The following DST variants were observed in gnomAD, a reference collection of about 807,000 sequenced individuals.
DST encodes dystonin, also known as bullous pemphigoid antigen.
DST carries 253 observed loss-of-function variants against 875.2 expected under a neutral mutation model. The ratio of observed to expected loss-of-function variants is 0.29; its 90% CI spans 0.26 to 0.32. The LOEUF is 0.32. Ranked by LOEUF, DST falls within the 10% of genes least tolerant of loss-of-function variation. The pLI, the probability that DST is intolerant of heterozygous loss-of-function variation, is 1.00. For missense variants in DST, 8,287 were observed against 9,111.6 expected (o/e 0.91, Z 3.68); for synonymous variants, 3,124 against 3,197.1 (o/e 0.98, Z 0.77).
intron 2 of DST, among the ~76,000 whole-genome samples, chr6:56,910,407 T>A (rs1308958581): frequency 1.3e-5 from 2 of 152,218 alleles, no homozygotes; most frequent in African/African-American, 4.8e-5. Flanking sequence ...TCCTCCCACC[T>A]GAGCCTCCCA....
At chr6:56,465,330 C>T (rs2094527255) in intron 99 of DST, among the ~76,000 whole-genome samples, 1 of 151,946 alleles carries the variant, frequency 6.6e-6, no homozygotes, top group East Asian at 1.9e-4. Flanking sequence ...ACAGTGAGCT[C>T]ACAGGTAAAA....
At chr6:56,679,287 C>T (rs6459168) in intron 9 of DST, among the ~76,000 whole-genome samples, 21,434 of 151,978 alleles carry the variant, frequency 0.14, 3,520 homozygotes, top group African/African-American at 0.4. Flanking sequence ...TCCAGCTGCA[C>T]GTCTTCTCTG....
At chr6:56,549,414 A>T (rs1363368980) in intron 61 of DST, among the ~76,000 whole-genome samples, 1 of 152,246 alleles carries the variant, frequency 6.6e-6, no homozygotes, top group Non-Finnish European at 1.5e-5. Context: ...TAAAAAATTT[A>T]AAAAACTTTC....
intron 4 of DST, chr6:56,843,651 A>G: frequency 2.0e-6 from 2 of 982,054 alleles, no homozygotes; most frequent in East Asian, 1.2e-4. Flanking sequence ...CATCTGCGGC[A>G]TTTCCTGGCC....
intron 42 of DST, 66 bp from the exon 43 acceptor site, chr6:56,603,097 T>C: frequency 1.9e-6 from 3 of 1,539,280 alleles, no homozygotes; most frequent in Non-Finnish European, 2.6e-6. Flanking sequence ...AAATAATGAC[T>C]GTGGTTTAAG....
intron 2 of DST, among the ~76,000 whole-genome samples, chr6:56,920,133 G>A (rs1323569408): frequency 6.6e-6 from 1 of 152,164 alleles, no homozygotes; most frequent in Non-Finnish European, 1.5e-5. Context: ...GCTAGCTACT[G>A]TAACAAAGAG....
In DST at chr6:56,609,156, A is replaced by G. The variant is rs769474953; in HGVS notation, c.5472T>C (p.His1824=). The change falls in exon 40 of 104, where the codon CAT becomes CAC. Residue 1824 remains histidine (H), a synonymous_variant. Coordinates refer to ENST00000680361, the MANE Select transcript of DST (RefSeq NM_001374736.1). ...KCFDLKDAKS[H]GLIDEQILCQ... Reference sequence around the variant, plus strand: ...ACAGAATTTGTTCATCAATAAGGCCATGACTTTTGGCATCTTTAAGGTCAA... The same window carrying G: ...ACAGAATTTGTTCATCAATAAGGCCGTGACTTTTGGCATCTTTAAGGTCAA... 7 of 1,613,766 alleles carry G rather than the reference A, an allele frequency of 4.3e-6. No homozygotes were observed. The highest frequency in any genetic ancestry group is 1.7e-5 in the Admixed American group (1 of 59,978).
intron 9 of DST, among the ~76,000 whole-genome samples, chr6:56,697,969 A>G (rs2099273054): frequency 6.6e-6 from 1 of 152,124 alleles, no homozygotes; most frequent in Non-Finnish European, 1.5e-5. Flanking sequence ...TATTGCCTTC[A>G]CTTAGGTTCA....
At chr6:56,701,773 G>A in intron 8 of DST, 115 bp downstream of exon 8, 1 of 633,306 alleles carries the variant, frequency 1.6e-6, no homozygotes, top group Non-Finnish European at 2.7e-6. Flanking sequence ...CAAAGCACAA[G>A]CTTACTGGTT....
At chr6:56,503,943 AT>A in intron 78 of DST, 53 bp downstream of exon 78, 1 of 1,221,600 alleles carries the variant, frequency 8.2e-7, no homozygotes, top group African/African-American at 1.5e-5. Flanking sequence ...AATTATGTGA[AT>A]CAAGGACTTA....
chr6:56,471,970 T>TA (rs987140607), intron 94 of DST, 89 bp downstream of exon 94: 10 of 1,408,186 alleles, frequency 7.1e-6, no homozygotes, highest in South Asian at 1.2e-5. Context: ...TCAGAAAAGT[T>TA]AAAAAATACC....
At chr6:56,597,002 G>C (rs750901587) in intron 47 of DST, among the ~76,000 whole-genome samples, 14 of 152,132 alleles carry the variant, frequency 9.2e-5, no homozygotes, top group Non-Finnish European at 1.6e-4. Flanking sequence ...CACCACTTTG[G>C]GAGGATGTGG....
chr6:56,858,287 A>G (rs572253429), intron 3 of DST, among the ~76,000 whole-genome samples: 47 of 152,306 alleles, frequency 3.1e-4, no homozygotes, highest in Admixed American at 2.9e-3. Context: ...AGGAAGTCAA[A>G]GGTTTCTTTC....
chr6:56,642,383 C>A (rs953272278), intron 16 of DST, 27 bp downstream of exon 16: 1 of 1,525,432 alleles, frequency 6.6e-7, no homozygotes, highest in Non-Finnish European at 9.1e-7. Context: ...TCTACCACAA[C>A]CCCAATGGCT....
intron 3 of DST, 33 bp from the exon 4 acceptor site, chr6:56,851,637 G>A: frequency 1.2e-6 from 2 of 1,603,524 alleles, no homozygotes; most frequent in Non-Finnish European, 1.7e-6. Context: ...AGCATTAACA[G>A]CAAAATACTC....
At chr6:56,846,379 A>T (rs1268719187) in intron 4 of DST, among the ~76,000 whole-genome samples, 1 of 152,222 alleles carries the variant, frequency 6.6e-6, no homozygotes, top group Non-Finnish European at 1.5e-5. Context: ...TCAAAGTCTG[A>T]TTCTCCTTTG....
At chr6:56,703,052 A>G (rs1220768304) in intron 7 of DST, among the ~76,000 whole-genome samples, 2 of 152,214 alleles carry the variant, frequency 1.3e-5, no homozygotes, top group Non-Finnish European at 2.9e-5. Context: ...TTGCAAAGGT[A>G]GGCTGCAGTC....
At position 56,619,414 on chromosome 6, in the gene DST, C is replaced by T. The variant is rs373472207; in HGVS notation, c.4930-4930G>A. 1.3e-5 allele frequency: 21 copies of T among 1,612,796 alleles called. No individual in the cohort carries two copies. The Admixed American group carries it at 3.5e-4, about 27-fold the overall frequency. On this transcript the variant is annotated intron_variant, in intron 36 of 103. Coordinates refer to ENST00000680361, the MANE Select transcript of DST (RefSeq NM_001374736.1). ...TTTCAGCTTTGATATTTTGAAGCAA[C>T]TGCTCATGGCTTTTCTCAAATTGTT... is the stretch of plus-strand genomic sequence containing the variant.
chr6:56,906,376 C>A (rs773963175), intron 2 of DST, among the ~76,000 whole-genome samples: 2 of 152,176 alleles, frequency 1.3e-5, no homozygotes, highest in Non-Finnish European at 2.9e-5. Context: ...CATAGACAAG[C>A]AAGCTGAGAG....
Sources: allele counts gnomAD v4.1 joint callset (sites outside exome capture counted in the v4.1 genomes callset), GRCh38; gene constraint gnomAD v4.1.1; transcripts MANE v1.5; gene names NCBI Gene and HGNC (gene_info 2026-07-23, HGNC 2026-07-21).